The following YARS1 variants were observed in gnomAD, a reference collection of about 807,000 sequenced individuals.
The protein encoded by YARS1 is tyrosine--tRNA ligase, cytoplasmic.
In YARS1, 36 loss-of-function variants were observed where a neutral mutation model predicts 62.2. That is an observed-to-expected ratio of 0.58 (90% CI 0.44 to 0.76). The LOEUF is 0.76. YARS1 is among the 30% of genes least tolerant of loss of function. YARS1 has a pLI of 0.00. For synonymous variants in YARS1, 234 were observed against 244.9 expected, an observed-to-expected ratio of 0.96 and a Z score of 0.42; for missense variants, 524 against 639.8, an observed-to-expected ratio of 0.82 and a Z score of 1.95.
chr1:32,811,025 T>C lies in YARS1; in HGVS notation c.90A>G (p.Ile30Met). The C allele has an allele frequency of 6.2e-7, 1 of 1,614,190 alleles. No homozygotes were observed. The highest frequency in any genetic ancestry group is 8.5e-7 in the Non-Finnish European group (1 of 1,180,032). ...EVLGEEKLKE[I>M]LKERELKIYW... ...AAATTTTAAGTTCCCGCTCCTTCAG[T>C]ATCTCCTTCAGCTTCTCTTCCCCCA... Residue 30 changes from isoleucine to methionine, a missense_variant, in exon 2 of 13, where the codon ATA becomes ATG. By Grantham distance (10) the Ile-to-Met change is conservative. Transcript: ENST00000373477.
At chr1:32,804,602 G>T (rs376168094) in intron 4 of YARS1, among the ~76,000 whole-genome samples, 1 of 150,468 alleles carries the variant, frequency 6.6e-6, no homozygotes, top group Admixed American at 6.6e-5. Flanking sequence ...ACCGGGTCGC[G>T]GCCGGACAGA....
chr1:32,806,878 G>C (rs1017727276), intron 3 of YARS1, among the ~76,000 whole-genome samples: 4 of 152,150 alleles, frequency 2.6e-5, no homozygotes, highest in African/African-American at 9.7e-5. Context: ...GATTACCTGG[G>C]TGACAAAATT....
At chr1:32,791,141 A>T in intron 6 of YARS1, 21 bp downstream of exon 6, 1 of 1,603,218 alleles carries the variant, frequency 6.2e-7, no homozygotes, top group Non-Finnish European at 8.5e-7. Context: ...TTCTAAATTC[A>T]AGTCTCAGCT....
intron 4 of YARS1, among the ~76,000 whole-genome samples, chr1:32,802,048 C>T (rs991728727): frequency 1.1e-4 from 16 of 147,962 alleles, no homozygotes; most frequent in African/African-American, 3.5e-4. Context: ...CCCGGGTTCA[C>T]GCCATTCTCC....
intron 4 of YARS1, among the ~76,000 whole-genome samples, chr1:32,800,425 AG>A (rs1638251813): frequency 6.6e-6 from 1 of 152,074 alleles, no homozygotes; most frequent in African/African-American, 2.4e-5. Context: ...GGATCACTTG[AG>A]GCCAGGAGTT....
intron 3 of YARS1, among the ~76,000 whole-genome samples, chr1:32,807,439 CTTTATT>C (rs1458881436): frequency 1.3e-5 from 2 of 151,918 alleles, no homozygotes; most frequent in African/African-American, 2.4e-5. Flanking sequence ...TAAAATATTA[CTTTATT>C]TTTATGTTTT....
intron 5 of YARS1, among the ~76,000 whole-genome samples, chr1:32,792,922 G>T (rs888159387): frequency 8.6e-5 from 13 of 150,774 alleles, no homozygotes; most frequent in African/African-American, 3.1e-4. Flanking sequence ...ATAAATAAAA[G>T]AAAATAAGAG....
intron 7 of YARS1, chr1:32,786,678 C>G (rs1653239333): frequency 1.0e-5 from 7 of 691,680 alleles, no homozygotes; most frequent in South Asian, 9.1e-5. Context: ...TTGTATTCCT[C>G]TAGTTCAACA....
At chr1:32,802,978 A>ACTTTTTT (rs1374994869) in intron 4 of YARS1, among the ~76,000 whole-genome samples, 2 of 89,412 alleles carry the variant, frequency 2.2e-5, no homozygotes, top group South Asian at 4.1e-4. Context: ...ACGCCTGGCT[A>ACTTTTTT]TTTTTTTTTT....
At chr1:32,803,679 T>G (rs1638365443) in intron 4 of YARS1, among the ~76,000 whole-genome samples, 1 of 152,178 alleles carries the variant, frequency 6.6e-6, no homozygotes, top group Non-Finnish European at 1.5e-5. Flanking sequence ...TGATCTTAGC[T>G]AGATCTTCTG....
chr1:32,802,191 T>C (rs915743438), intron 4 of YARS1, among the ~76,000 whole-genome samples: 3 of 151,962 alleles, frequency 2.0e-5, no homozygotes, highest in Admixed American at 6.6e-5. Flanking sequence ...TCGTGATCCG[T>C]CCGCCTCGGC....
At chr1:32,786,270 C>T (rs1485680087) in intron 8 of YARS1, 92 bp downstream of exon 8, 1 of 1,287,580 alleles carries the variant, frequency 7.8e-7, no homozygotes, top group South Asian at 1.2e-5. Context: ...CACTTTTACA[C>T]AGAACAAGTT....
intron 3 of YARS1, among the ~76,000 whole-genome samples, chr1:32,807,286 C>G (rs1184330449): frequency 1.3e-5 from 2 of 152,098 alleles, no homozygotes; most frequent in African/African-American, 4.8e-5. Context: ...CTGATCAAAC[C>G]TGCTTTTCCT....
rs1652852617 is a variant in YARS1 at position 32,776,161 on chromosome 1, A to G, written c.1477-70T>C. On this transcript the variant is annotated intron_variant, in intron 12 of 12. Coordinates refer to ENST00000373477, the MANE Select transcript of YARS1 (RefSeq NM_003680.4). This position sits in a 1 kb window ranked among gnomAD's most constrained non-coding sequence, Gnocchi z 4.0. ...TGCAAGAAAACCCCCCCTTTTTTGGAGGGGGGGCAGAGTTTTGCTCTTGTT... is the reference window on the plus strand; with the variant it reads ...TGCAAGAAAACCCCCCCTTTTTTGGGGGGGGGGCAGAGTTTTGCTCTTGTT... 14 of 1,320,482 alleles carry G rather than the reference A, an allele frequency of 1.1e-5. No homozygotes were observed. Among genetic ancestry groups the G allele is most frequent in the Non-Finnish European group, 1.5e-5 (14 of 932,572 alleles). The allele number at this position is 1,320,482 out of a possible 1,614,324, so 81.8% of individuals were successfully genotyped here.
At chr1:32,815,380 A>G (rs1045364389) in intron 1 of YARS1, among the ~76,000 whole-genome samples, 2 of 152,090 alleles carry the variant, frequency 1.3e-5, no homozygotes, top group African/African-American at 2.4e-5. Context: ...AAAAAACCCA[A>G]TTGAGTCAAT....
chr1:32,779,754 A>T, intron 11 of YARS1: 1 of 629,896 alleles, frequency 1.6e-6, no homozygotes, highest in Non-Finnish European at 2.7e-6. Context: ...CTGTGTTTCT[A>T]GGGGAGGAAG....
intron 6 of YARS1, among the ~76,000 whole-genome samples, chr1:32,787,898 C>G (rs1465994825): frequency 6.6e-6 from 1 of 152,106 alleles, no homozygotes; most frequent in Non-Finnish European, 1.5e-5. Context: ...GTCGCTTGAG[C>G]CCAGGAGTTC....
chr1:32,816,849 C>T (rs2148620475), intron 1 of YARS1: 2 of 489,228 alleles, frequency 4.1e-6, no homozygotes, highest in African/African-American at 3.9e-5. Context: ...CGTCTGATCC[C>T]CTTCAGACAA....
intron 6 of YARS1, among the ~76,000 whole-genome samples, chr1:32,788,430 T>C (rs1653308164): frequency 6.6e-6 from 1 of 151,768 alleles, no homozygotes; most frequent in South Asian, 2.1e-4. Flanking sequence ...TTTATTTATT[T>C]ATTTATTTAT....
Sources: allele counts gnomAD v4.1 joint callset (sites outside exome capture counted in the v4.1 genomes callset), GRCh38; gene constraint gnomAD v4.1.1; non-coding constraint Gnocchi (gnomAD v3.1); transcripts MANE v1.5; gene names NCBI Gene and HGNC (gene_info 2026-07-23, HGNC 2026-07-21).